Variants in RORA observed in about 807,000 individuals in gnomAD.
The protein encoded by RORA is RAR related orphan receptor A, also known as nuclear receptor ROR-alpha.
RORA carries 7 observed loss-of-function variants against 69.5 expected under a neutral mutation model. The ratio of observed to expected loss-of-function variants is 0.10; its 90% CI spans 0.06 to 0.19. RORA has a LOEUF of 0.19. Ranked by LOEUF, RORA falls within the 10% of genes least tolerant of loss-of-function variation. The pLI, the probability that RORA is intolerant of heterozygous loss-of-function variation, is 1.00. For missense variants in RORA, 457 were observed against 663.0 expected (o/e 0.69, Z 3.41); for synonymous variants, 261 against 240.8 (o/e 1.08, Z -0.78).
At chr15:60,695,652 G>T (rs548799115) in intron 1 of RORA, among the ~76,000 whole-genome samples, 1 of 152,014 alleles carries the variant, frequency 6.6e-6, no homozygotes, top group Non-Finnish European at 1.5e-5. Flanking sequence ...ACGGACGAAG[G>T]TCAGACAGCT....
At chr15:60,970,796 T>G (rs1391963292) in intron 1 of RORA, among the ~76,000 whole-genome samples, 1 of 152,116 alleles carries the variant, frequency 6.6e-6, no homozygotes, top group Non-Finnish European at 1.5e-5. Context: ...TCACAGAGAT[T>G]TTTTTTCCCT....
intron 1 of RORA, among the ~76,000 whole-genome samples, chr15:60,992,923 T>C (rs1454831346): frequency 6.6e-6 from 1 of 152,122 alleles, no homozygotes; most frequent in Non-Finnish European, 1.5e-5. Context: ...CTTCAAGTGC[T>C]TCAGCATGAA....
At chr15:60,793,485 T>C (rs2072446906) in intron 1 of RORA, among the ~76,000 whole-genome samples, 1 of 152,196 alleles carries the variant, frequency 6.6e-6, no homozygotes, top group Non-Finnish European at 1.5e-5. Flanking sequence ...GGTGGTTTGA[T>C]TATCCCAACT....
At chr15:60,713,884 C>T (rs1020020651) in intron 1 of RORA, among the ~76,000 whole-genome samples, 4 of 152,192 alleles carry the variant, frequency 2.6e-5, no homozygotes, top group Admixed American at 6.5e-5. Flanking sequence ...TAACAGCTGC[C>T]AACTGGCAGA....
At chr15:60,507,805 G>A (rs1268618919) in intron 5 of RORA, among the ~76,000 whole-genome samples, 1 of 152,178 alleles carries the variant, frequency 6.6e-6, no homozygotes, top group Non-Finnish European at 1.5e-5. Flanking sequence ...GCTGTGGAGT[G>A]AAGGATGAGA....
chr15:61,085,604 C>T (rs2078613234), intron 1 of RORA, among the ~76,000 whole-genome samples: 1 of 152,228 alleles, frequency 6.6e-6, no homozygotes, highest in African/African-American at 2.4e-5. Context: ...CTGAGGACCA[C>T]ACTTTGAGAA....
chr15:61,036,112 G>A lies in RORA; in HGVS notation c.166+192941C>T, dbSNP rs926419421. 5.3e-5 allele frequency among the ~76,000 whole-genome samples: 8 copies of A among 152,284 alleles called. No homozygotes were observed. In the East Asian group the frequency reaches 1.4e-3, roughly 26 times the overall value. ...AGAAAACAAGGTGACAGAAAGGACC[G>A]CATTAACCCCAGAAGCATAAGCCTC... is the stretch of plus-strand genomic sequence containing the variant. On this transcript the variant is annotated intron_variant, in intron 1 of 10. Transcript: ENST00000335670.
rs148362196 is a variant in RORA at position 60,908,793 on chromosome 15, A to G, written c.167-230107T>C. On this transcript the variant is annotated intron_variant, in intron 1 of 10. Coordinates refer to ENST00000335670, the MANE Select transcript of RORA (RefSeq NM_134261.3). ...CTGCCAACTGAACATTGTGCCAGAT[A>G]CCAAGAATTGAGGCGATTATGCCCT... Among the ~76,000 whole-genome samples, 59 of 152,304 alleles carry G rather than the reference A, an allele frequency of 3.9e-4. No individual in the cohort carries two copies. In the East Asian group the frequency reaches 0.011, roughly 28 times the overall value.
chr15:61,208,099 T>C (rs575824572), intron 1 of RORA, among the ~76,000 whole-genome samples: 4 of 152,216 alleles, frequency 2.6e-5, no homozygotes, highest in South Asian at 2.1e-4. Flanking sequence ...TTTCCCAGTA[T>C]GGGGGTAGGC....
intron 1 of RORA, among the ~76,000 whole-genome samples, chr15:61,195,227 T>C (rs959934799): frequency 2.0e-5 from 3 of 152,022 alleles, no homozygotes; most frequent in Admixed American, 2.0e-4. Context: ...ACATTCAGCT[T>C]CCAATATATA....
chr15:61,215,463 T>C (rs1043903728), intron 1 of RORA, among the ~76,000 whole-genome samples: 2 of 152,172 alleles, frequency 1.3e-5, no homozygotes, highest in African/African-American at 2.4e-5. Context: ...GATGAAGAGG[T>C]TGAAACAAAC....
intron 1 of RORA, among the ~76,000 whole-genome samples, chr15:60,707,256 C>A (rs2140802645): frequency 6.6e-6 from 1 of 152,134 alleles, no homozygotes; most frequent in East Asian, 1.9e-4. Flanking sequence ...TCACTCTAGC[C>A]TGCTCTCTGA....
intron 1 of RORA, among the ~76,000 whole-genome samples, chr15:60,704,651 T>C (rs1032222804): frequency 2.6e-5 from 4 of 152,174 alleles, no homozygotes; most frequent in African/African-American, 4.8e-5. Flanking sequence ...AGGAATGCCA[T>C]AGAAAGAACG....
At chr15:61,201,951 A>G (rs1316949097) in intron 1 of RORA, among the ~76,000 whole-genome samples, 1 of 152,120 alleles carries the variant, frequency 6.6e-6, no homozygotes. Context: ...TAATATCTAT[A>G]TATGTAATAT....
chr15:60,655,972 C>T (rs1014888777), intron 2 of RORA, among the ~76,000 whole-genome samples: 8 of 152,170 alleles, frequency 5.3e-5, no homozygotes, highest in African/African-American at 1.9e-4. Context: ...TGTACAATAA[C>T]TTCTCACTTT....
intron 2 of RORA, chr15:60,593,022 C>A (rs1157405100): frequency 1.3e-5 from 6 of 446,314 alleles, no homozygotes; most frequent in African/African-American, 8.1e-5. Flanking sequence ...CCTAGAGTGC[C>A]CCAGCTCTAA....
intron 1 of RORA, among the ~76,000 whole-genome samples, chr15:61,058,116 G>C (rs942308436): frequency 6.6e-6 from 1 of 152,146 alleles, no homozygotes; most frequent in African/African-American, 2.4e-5. Context: ...CTGTGATGAG[G>C]GCAGGGGGTC....
chr15:60,732,303 AT>A lies in RORA; in HGVS notation c.167-53618del, dbSNP rs1388986937. 1.4e-4 allele frequency among the ~76,000 whole-genome samples: 21 copies of A among 152,312 alleles called. 1 individual carries two copies. The highest frequency in any genetic ancestry group is 1.0e-3 in the Admixed American group (16 of 15,300). ...GAGGATGTGAGTGTCAAATTGTTGGATTATATAAGATGGAAAGGTAGGTGCG... is the reference window on the plus strand; with the variant it reads ...GAGGATGTGAGTGTCAAATTGTTGGATATATAAGATGGAAAGGTAGGTGCG... On this transcript the variant is annotated intron_variant, in intron 1 of 10. Coordinates refer to ENST00000335670, the MANE Select transcript of RORA (RefSeq NM_134261.3).
At chr15:61,142,175 A>T (rs2079306537) in intron 1 of RORA, among the ~76,000 whole-genome samples, 1 of 152,110 alleles carries the variant, frequency 6.6e-6, no homozygotes, top group African/African-American at 2.4e-5. Context: ...GTTACCCTGA[A>T]TATCTCTAGG....
Sources: allele counts gnomAD v4.1 joint callset (sites outside exome capture counted in the v4.1 genomes callset), GRCh38; gene constraint gnomAD v4.1.1; transcripts MANE v1.5; gene names NCBI Gene and HGNC (gene_info 2026-07-23, HGNC 2026-07-21).